SLC2A14: variants seen among roughly 807,000 people sequenced by gnomAD.
SLC2A14 encodes solute carrier family 2, facilitated glucose transporter member 14.
Under a neutral mutation model 43.0 loss-of-function variants are expected in SLC2A14, and 13 were observed. That is an observed-to-expected ratio of 0.30 (90% CI 0.20 to 0.48). SLC2A14 has a LOEUF of 0.48. Ranked by LOEUF, SLC2A14 falls within the 20% of genes least tolerant of loss-of-function variation. The probability of loss-of-function intolerance (pLI) is 0.99; values close to 1 mark genes in which losing one functional copy is unlikely to be tolerated. For synonymous variants in SLC2A14, 190 were observed against 233.8 expected, an observed-to-expected ratio of 0.81 and a Z score of 1.71; for missense variants, 428 against 620.4, an observed-to-expected ratio of 0.69 and a Z score of 3.29.
At chr12:7,847,178 G>C (rs924379949) in intron 2 of SLC2A14, among the ~76,000 whole-genome samples, 2 of 151,864 alleles carry the variant, frequency 1.3e-5, no homozygotes, top group Non-Finnish European at 2.9e-5. Context: ...CTTGAACCTG[G>C]GAGGCAGAGG....
chr12:7,826,908 TC>T lies in SLC2A14; in HGVS notation c.864+586del, dbSNP rs1864470561. Among the ~76,000 whole-genome samples the T allele has an allele frequency of 5.5e-5, 3 of 54,404 alleles. 1 individual carries two copies. The highest frequency in any genetic ancestry group is 1.0e-4 in the African/African-American group (1 of 10,008). 35.7% of individuals were successfully genotyped at this position (54,404 alleles called of 152,430 possible). ...TTCTTTCTTTCTTTCTTTCTTTCTT[TC>T]TTTCTTTTTCCTTTTTCTTTCCTTT... On this transcript the variant is annotated intron_variant, in intron 7 of 10. Transcript: ENST00000431042.
intron 1 of SLC2A14, among the ~76,000 whole-genome samples, chr12:7,890,414 C>T (rs1194768838): frequency 2.0e-5 from 3 of 152,138 alleles, no homozygotes; most frequent in Non-Finnish European, 2.9e-5. Context: ...ATCGTCCAGT[C>T]TTCCCTGCCC....
intron 2 of SLC2A14, among the ~76,000 whole-genome samples, chr12:7,854,454 G>A (rs1867188247): frequency 6.6e-6 from 1 of 152,064 alleles, no homozygotes; most frequent in Non-Finnish European, 1.5e-5. Context: ...CTCCTAATGA[G>A]TCTCACTGAT....
At chr12:7,863,413 A>G (rs957048674) in intron 2 of SLC2A14, 1 of 453,476 alleles carries the variant, frequency 2.2e-6, no homozygotes, top group Non-Finnish European at 4.4e-6. Flanking sequence ...GAGACCAAGA[A>G]CCCACCAATT....
intron 10 of SLC2A14, among the ~76,000 whole-genome samples, chr12:7,817,340 C>T (rs1295141464): frequency 6.6e-6 from 1 of 152,104 alleles, no homozygotes; most frequent in African/African-American, 2.4e-5. Flanking sequence ...GTCTCTACCT[C>T]CCGACCTCAG....
At chr12:7,889,959 C>T (rs763969502) in intron 1 of SLC2A14, among the ~76,000 whole-genome samples, 4 of 152,084 alleles carry the variant, frequency 2.6e-5, no homozygotes, top group Non-Finnish European at 5.9e-5. Flanking sequence ...ACTGTCATGG[C>T]GCTGATGGGA....
intron 2 of SLC2A14, among the ~76,000 whole-genome samples, chr12:7,863,169 C>A (rs551278822): frequency 3.9e-5 from 6 of 152,036 alleles, no homozygotes; most frequent in Non-Finnish European, 5.9e-5. Flanking sequence ...TTGAGCCCAG[C>A]GAGACTACGA....
intron 2 of SLC2A14, among the ~76,000 whole-genome samples, chr12:7,848,716 C>T (rs113405607): frequency 3.3e-5 from 5 of 151,934 alleles, no homozygotes; most frequent in South Asian, 2.1e-4. Context: ...CCACCATGCC[C>T]GGCTAATTTT....
At chr12:7,852,663 C>A (rs1867032401) in intron 2 of SLC2A14, among the ~76,000 whole-genome samples, 2 of 152,038 alleles carry the variant, frequency 1.3e-5, no homozygotes, top group Admixed American at 6.6e-5. Flanking sequence ...ATATGTAATC[C>A]CTTTCTTGTA....
chr12:7,849,293 A>C (rs1463808569), intron 2 of SLC2A14, among the ~76,000 whole-genome samples: 2 of 151,762 alleles, frequency 1.3e-5, no homozygotes, highest in Admixed American at 6.6e-5. Context: ...GCTTGAGTCC[A>C]GGAGTTCAAG....
intron 2 of SLC2A14, among the ~76,000 whole-genome samples, chr12:7,849,648 C>T (rs1239489535): frequency 6.6e-6 from 1 of 151,850 alleles, no homozygotes; most frequent in African/African-American, 2.4e-5. Flanking sequence ...TGCCTGTAAT[C>T]CCAGCAATTT....
At chr12:7,849,986 C>G (rs1466421240) in intron 2 of SLC2A14, among the ~76,000 whole-genome samples, 1 of 143,478 alleles carries the variant, frequency 7.0e-6, no homozygotes, top group African/African-American at 2.6e-5. Context: ...TCCCTGACCT[C>G]AAAAGTTACA....
chr12:7,870,222 A>G (rs991014622), intron 1 of SLC2A14, among the ~76,000 whole-genome samples: 1 of 152,112 alleles, frequency 6.6e-6, no homozygotes, highest in African/African-American at 2.4e-5. Flanking sequence ...CTATATTTTG[A>G]GTTGTTTCTC....
chr12:7,835,913 T>C (rs1409401160), intron 2 of SLC2A14, among the ~76,000 whole-genome samples: 1 of 152,202 alleles, frequency 6.6e-6, no homozygotes, highest in Non-Finnish European at 1.5e-5. Flanking sequence ...GTCCTCAGGA[T>C]TAAGAAAGAA....
At chr12:7,854,240 A>C (rs940210973) in intron 2 of SLC2A14, among the ~76,000 whole-genome samples, 10 of 152,252 alleles carry the variant, frequency 6.6e-5, no homozygotes, top group African/African-American at 2.2e-4. Flanking sequence ...CATCTCAGTA[A>C]ATATTTTATC....
intron 1 of SLC2A14, among the ~76,000 whole-genome samples, chr12:7,878,903 G>T (rs1945511620): frequency 6.9e-6 from 1 of 144,104 alleles, no homozygotes; most frequent in Non-Finnish European, 1.5e-5. Flanking sequence ...CTTGAACCAG[G>T]GAGTCGGAGG....
chr12:7,883,591 T>C (rs1464808280), intron 1 of SLC2A14, among the ~76,000 whole-genome samples: 4 of 82,128 alleles, frequency 4.9e-5, no homozygotes, highest in Non-Finnish European at 1.0e-4. Context: ...TTTTCTTTTC[T>C]TTTTTTTTTT....
intron 4 of SLC2A14, 30 bp downstream of exon 4, chr12:7,831,574 C>A: frequency 6.2e-7 from 1 of 1,612,922 alleles, no homozygotes; most frequent in Non-Finnish European, 8.5e-7. Context: ...CTGGTAGAGC[C>A]CACTTCCTTG....
chr12:7,857,135 A>G (rs1288357521), intron 2 of SLC2A14, among the ~76,000 whole-genome samples: 1 of 152,060 alleles, frequency 6.6e-6, no homozygotes, highest in Non-Finnish European at 1.5e-5. Flanking sequence ...CTGTAGTTCC[A>G]GCTACTCGGG....
Sources: gnomAD v4.1 joint callset for allele counts (sites outside exome capture counted in the v4.1 genomes callset) on GRCh38, gnomAD v4.1.1 for gene constraint, MANE v1.5 for transcripts, NCBI Gene and HGNC (gene_info 2026-07-23, HGNC 2026-07-21) for gene names.